The following ZNF236 variants were observed in gnomAD, a reference collection of about 807,000 sequenced individuals.
The protein encoded by ZNF236 is zinc finger protein 236.
A neutral mutation model predicts 191.2 loss-of-function variants in ZNF236; 50 were observed. The observed-to-expected ratio is 0.26, with a 90% CI of 0.21 to 0.33. ZNF236 has a LOEUF of 0.33. Among genes scored for constraint, ZNF236 ranks in the 10% least tolerant of loss-of-function variants. The pLI, the probability that ZNF236 is intolerant of heterozygous loss-of-function variation, is 1.00. For synonymous variants in ZNF236, 907 were observed against 928.8 expected (o/e 0.98, Z 0.43); for missense variants, 1,754 against 2,374.5 (o/e 0.74, Z 5.43).
At position 76,960,612 on chromosome 18, in the gene ZNF236, C is replaced by T. The variant is rs1968643674; in HGVS notation, c.5243-67C>T. 7.0e-6 allele frequency: 11 copies of T among 1,578,420 alleles called. No individual in the cohort carries two copies. Among genetic ancestry groups the T allele is most frequent in the Non-Finnish European group, 8.7e-6 (10 of 1,149,898 alleles). ...CATTCAGTCCCTCTTGTTCATACCTCAGGGTAGAGCCCAGGCATCCACTAT... is the reference window on the plus strand; with the variant it reads ...CATTCAGTCCCTCTTGTTCATACCTTAGGGTAGAGCCCAGGCATCCACTAT... On this transcript the variant is annotated intron_variant, in intron 29 of 30. Transcript: ENST00000320610. The surrounding 1 kb of genome is among the most constrained non-coding windows in gnomAD (Gnocchi z 4.4).
At chr18:76,872,757 G>C (rs1358812313) in intron 5 of ZNF236, among the ~76,000 whole-genome samples, 1 of 152,166 alleles carries the variant, frequency 6.6e-6, no homozygotes, top group African/African-American at 2.4e-5. Flanking sequence ...AATATTTTTA[G>C]TATTTGAGGT....
intron 30 of ZNF236, among the ~76,000 whole-genome samples, chr18:76,964,057 T>C (rs997517874): frequency 1.3e-5 from 2 of 152,168 alleles, no homozygotes; most frequent in Admixed American, 1.3e-4. Flanking sequence ...TTGTTTCAAT[T>C]TCATTTAGTT....
chr18:76,875,950 C>T lies in ZNF236; in HGVS notation c.840+286C>T, dbSNP rs1353136717. ...CCTTTGTTAGTTATAGTCTGTCATT[C>T]TAAATAATGTATTTCATCCCTTTAG... is the stretch of plus-strand genomic sequence containing the variant. On this transcript the variant is annotated intron_variant, in intron 6 of 30. Coordinates refer to ENST00000320610, the MANE Select transcript of ZNF236 (RefSeq NM_001306089.2). This position sits in a 1 kb window ranked among gnomAD's most constrained non-coding sequence, Gnocchi z 4.3. 1.3e-5 allele frequency among the ~76,000 whole-genome samples: 2 copies of T among 152,104 alleles called. No homozygotes were observed. Among genetic ancestry groups the T allele is most frequent in the African/African-American group, 4.8e-5 (2 of 41,398 alleles).
chr18:76,831,539 TG>T (rs1259478549), intron 1 of ZNF236, among the ~76,000 whole-genome samples: 3 of 152,136 alleles, frequency 2.0e-5, no homozygotes, highest in Non-Finnish European at 4.4e-5. Flanking sequence ...CTCAAGTCAT[TG>T]GGGGTAAATC....
chr18:76,868,430 TTG>T (rs1976479115), intron 3 of ZNF236, among the ~76,000 whole-genome samples: 1 of 152,230 alleles, frequency 6.6e-6, no homozygotes, highest in African/African-American at 2.4e-5. Flanking sequence ...TGCTCAAAAA[TTG>T]TGTCAATCTC....
chr18:76,959,946 T>A, intron 29 of ZNF236, 130 bp downstream of exon 29: 1 of 1,140,052 alleles, frequency 8.8e-7, no homozygotes, highest in Non-Finnish European at 1.2e-6. Context: ...GGTCCACATG[T>A]TCCATTTCTC....
intron 22 of ZNF236, among the ~76,000 whole-genome samples, chr18:76,926,496 T>G (rs569839838): frequency 6.6e-6 from 1 of 152,108 alleles, no homozygotes; most frequent in South Asian, 2.1e-4. Flanking sequence ...GATTAGACAG[T>G]ATATGTGCGT....
chr18:76,847,041 C>T (rs1187703839), intron 1 of ZNF236, among the ~76,000 whole-genome samples: 1 of 152,172 alleles, frequency 6.6e-6, no homozygotes, highest in South Asian at 2.1e-4. Context: ...GATCCACCCA[C>T]CCTGGGCTCC....
intron 3 of ZNF236, among the ~76,000 whole-genome samples, chr18:76,863,329 A>G (rs1010115316): frequency 4.6e-5 from 7 of 152,238 alleles, no homozygotes; most frequent in Non-Finnish European, 7.3e-5. Flanking sequence ...GGTAAAAGTC[A>G]TAACTCACAG....
At chr18:76,892,399 C>T (rs997236473) in intron 9 of ZNF236, among the ~76,000 whole-genome samples, 2 of 151,398 alleles carry the variant, frequency 1.3e-5, no homozygotes, top group Admixed American at 1.3e-4. Context: ...GGACTTTTCT[C>T]CCTGACTTTA....
At chr18:76,884,350 G>A (rs1196388261) in intron 9 of ZNF236, among the ~76,000 whole-genome samples, 2 of 150,578 alleles carry the variant, frequency 1.3e-5, no homozygotes, top group African/African-American at 4.9e-5. Flanking sequence ...GCAGTGAGCC[G>A]AGATCATGCC....
chr18:76,920,561 A>AC (rs1967506043), intron 20 of ZNF236, among the ~76,000 whole-genome samples: 1 of 151,658 alleles, frequency 6.6e-6, no homozygotes, highest in South Asian at 2.1e-4. Context: ...CAAAAAAAAA[A>AC]AAAAGTCTGT....
intron 19 of ZNF236, among the ~76,000 whole-genome samples, chr18:76,917,733 C>T (rs541826691): frequency 8.5e-5 from 13 of 152,250 alleles, no homozygotes; most frequent in African/African-American, 2.6e-4. Context: ...GTTCTCAGTT[C>T]GTTAAAGAAT....
chr18:76,972,014 G>C lies in ZNF236; in HGVS notation c.*3675G>C, dbSNP rs1968913773. On this transcript the variant is annotated 3_prime_UTR_variant, in exon 31 of 31. Transcript: ENST00000320610. The stretch of plus-strand genomic sequence containing the variant: ...GACCTACTGCATAGGAAGTAAGTGA[G>C]GCAGAGATGAGATTATGCGGCGGAT... 6.6e-6 allele frequency among the ~76,000 whole-genome samples: 1 copy of C among 152,226 alleles called. No individual in the cohort carries two copies. Among genetic ancestry groups the C allele is most frequent in the South Asian group, 2.1e-4 (1 of 4,832 alleles).
chr18:76,951,372 G>C (rs1968403734), intron 27 of ZNF236, among the ~76,000 whole-genome samples: 3 of 152,288 alleles, frequency 2.0e-5, no homozygotes, highest in Admixed American at 6.5e-5. Flanking sequence ...AGATGTTCTG[G>C]AGAACTTGCT....
chr18:76,893,908 TC>T (rs1977321726), intron 9 of ZNF236, among the ~76,000 whole-genome samples: 1 of 152,254 alleles, frequency 6.6e-6, no homozygotes, highest in South Asian at 2.1e-4. Flanking sequence ...TATGGATAAT[TC>T]CTTATGTTTA....
At chr18:76,836,778 C>T (rs188917164) in intron 1 of ZNF236, among the ~76,000 whole-genome samples, 22 of 151,954 alleles carry the variant, frequency 1.4e-4, no homozygotes, top group African/African-American at 3.9e-4. Flanking sequence ...GGGGTTTCAC[C>T]GTGTTAGCCA....
intron 9 of ZNF236, among the ~76,000 whole-genome samples, chr18:76,891,258 A>G (rs1023412742): frequency 1.3e-5 from 2 of 152,148 alleles, no homozygotes; most frequent in Non-Finnish European, 2.9e-5. Flanking sequence ...GGAAATATTT[A>G]TTTATATGTA....
At position 76,962,815 on chromosome 18, in the gene ZNF236, G is replaced by A. The variant is rs184086721; in HGVS notation, c.5419+1960G>A. 4.9e-4 allele frequency among the ~76,000 whole-genome samples: 75 copies of A among 151,542 alleles called. 2 individuals carry two copies. In the East Asian group the frequency reaches 0.011, roughly 22 times the overall value. ...TTCCTAAGTTTTTTTTTGTTTGTTT[G>A]TTTTTGTTTTGTTTTTTCCAGCTAT... On this transcript the variant is annotated intron_variant, in intron 30 of 30. Coordinates refer to ENST00000320610, the MANE Select transcript of ZNF236 (RefSeq NM_001306089.2).
Sources: gnomAD v4.1 joint callset for allele counts (sites outside exome capture counted in the v4.1 genomes callset) on GRCh38, gnomAD v4.1.1 for gene constraint, Gnocchi (gnomAD v3.1) non-coding constraint, MANE v1.5 for transcripts, NCBI Gene and HGNC (gene_info 2026-07-23, HGNC 2026-07-21) for gene names.